The following ITGBL1 variants were observed in gnomAD, a reference collection of about 807,000 sequenced individuals.
The protein encoded by ITGBL1 is integrin beta-like protein 1.
A neutral mutation model predicts 68.5 loss-of-function variants in ITGBL1; 51 were observed. The ratio of observed to expected loss-of-function variants is 0.74; its 90% CI spans 0.59 to 0.94. The LOEUF is 0.94. Ranked by LOEUF, ITGBL1 falls within the 40% of genes least tolerant of loss-of-function variation. ITGBL1 has a pLI of 0.00. For missense variants in ITGBL1, 649 were observed against 647.4 expected, an observed-to-expected ratio of 1.00 and a Z score of -0.03; for synonymous variants, 209 against 227.3, an observed-to-expected ratio of 0.92 and a Z score of 0.72.
chr13:101,599,555 T>G (rs1314753276), intron 7 of ITGBL1, among the ~76,000 whole-genome samples: 8 of 150,834 alleles, frequency 5.3e-5, no homozygotes, highest in South Asian at 2.1e-4. Context: ...TCTTCTAGGG[T>G]TTTTATGGTT....
chr13:101,481,592 G>C (rs980547265), intron 2 of ITGBL1, among the ~76,000 whole-genome samples: 5 of 151,874 alleles, frequency 3.3e-5, no homozygotes, highest in African/African-American at 1.2e-4. Context: ...GTGTCTTTTT[G>C]GTTTGAATTT....
intron 7 of ITGBL1, among the ~76,000 whole-genome samples, chr13:101,676,791 A>G (rs1258776408): frequency 6.6e-6 from 1 of 152,212 alleles, no homozygotes; most frequent in Non-Finnish European, 1.5e-5. Context: ...GAATAATGTC[A>G]GTATAAGATA....
intron 2 of ITGBL1, among the ~76,000 whole-genome samples, chr13:101,471,353 T>C (rs892735104): frequency 6.6e-6 from 1 of 152,166 alleles, no homozygotes; most frequent in Non-Finnish European, 1.5e-5. Context: ...GCCATTCCCA[T>C]GTCACTATGA....
chr13:101,540,022 G>A (rs2049662650), intron 2 of ITGBL1, among the ~76,000 whole-genome samples: 1 of 152,048 alleles, frequency 6.6e-6, no homozygotes, highest in Non-Finnish European at 1.5e-5. Context: ...CTCTGATGGT[G>A]GCTTATTTTG....
At chr13:101,659,902 C>G (rs2033038306) in intron 7 of ITGBL1, among the ~76,000 whole-genome samples, 1 of 152,174 alleles carries the variant, frequency 6.6e-6, no homozygotes, top group Non-Finnish European at 1.5e-5. Context: ...CAGATGAGCT[C>G]AATCACTCAC....
intron 2 of ITGBL1, among the ~76,000 whole-genome samples, chr13:101,462,075 T>A (rs530058898): frequency 6.6e-6 from 1 of 152,058 alleles, no homozygotes; most frequent in Non-Finnish European, 1.5e-5. Context: ...TCAGTTGGGG[T>A]CCCTCTTGTC....
At chr13:101,603,183 A>G (rs1050274468) in intron 7 of ITGBL1, among the ~76,000 whole-genome samples, 12 of 151,958 alleles carry the variant, frequency 7.9e-5, no homozygotes, top group Non-Finnish European at 1.5e-4. Flanking sequence ...ACCATTTTAC[A>G]TTCCACCAGC....
chr13:101,474,624 G>A (rs4555003), intron 2 of ITGBL1, among the ~76,000 whole-genome samples: 21,656 of 152,202 alleles, frequency 0.14, 2,046 homozygotes, highest in East Asian at 0.43. Context: ...GTGAGACCTA[G>A]TACCATGCTG....
chr13:101,613,895 A>C (rs1206921928), intron 7 of ITGBL1, among the ~76,000 whole-genome samples: 1 of 152,158 alleles, frequency 6.6e-6, no homozygotes, highest in Non-Finnish European at 1.5e-5. Context: ...ACGGTCCTGC[A>C]GCAGGAGGAT....
chr13:101,507,907 T>C (rs2049051845), intron 2 of ITGBL1, among the ~76,000 whole-genome samples: 1 of 152,194 alleles, frequency 6.6e-6, no homozygotes, highest in Admixed American at 6.6e-5. Flanking sequence ...AGTATGGGAA[T>C]GTAGTTTTTA....
intron 7 of ITGBL1, among the ~76,000 whole-genome samples, chr13:101,605,377 T>G (rs1212611297): frequency 4.6e-5 from 7 of 151,214 alleles, no homozygotes; most frequent in Admixed American, 3.3e-4. Context: ...TGCGTATATA[T>G]ACACATATAT....
rs184911073 is a variant in ITGBL1, at chr13:101,608,558, T to C, written c.1015+10259T>C. 3.9e-5 allele frequency among the ~76,000 whole-genome samples: 6 copies of C among 152,196 alleles called. No individual in the cohort carries two copies. In the East Asian group the frequency reaches 5.8e-4, roughly 15 times the overall value. ...ATACCATATACAGTGATTATGATTA[T>C]ATTTTAAAATCCTTTGTGGCTTAAC... On this transcript the variant is annotated intron_variant, in intron 7 of 10. Transcript: ENST00000376180.
chr13:101,509,483 A>G (rs749572304), intron 2 of ITGBL1, among the ~76,000 whole-genome samples: 85 of 152,198 alleles, frequency 5.6e-4, no homozygotes, highest in Non-Finnish European at 1.1e-3. Flanking sequence ...ATTTACAAAC[A>G]TAAATTAATA....
At chr13:101,613,663 G>A (rs1158228094) in intron 7 of ITGBL1, among the ~76,000 whole-genome samples, 1 of 152,166 alleles carries the variant, frequency 6.6e-6, no homozygotes, top group Non-Finnish European at 1.5e-5. Flanking sequence ...TTTCTGGAAG[G>A]AGATGTAAGT....
At chr13:101,618,138 A>G (rs2031439000) in intron 7 of ITGBL1, among the ~76,000 whole-genome samples, 1 of 152,222 alleles carries the variant, frequency 6.6e-6, no homozygotes, top group East Asian at 1.9e-4. Context: ...CTTTGTTTCT[A>G]TGCTATTAAC....
intron 2 of ITGBL1, among the ~76,000 whole-genome samples, chr13:101,544,348 G>A (rs1166507744): frequency 6.6e-6 from 1 of 152,254 alleles, no homozygotes; most frequent in Admixed American, 6.5e-5. Context: ...GGTATCAGCA[G>A]CGGCAGCTGC....
At chr13:101,482,879 A>G (rs1049484754) in intron 2 of ITGBL1, among the ~76,000 whole-genome samples, 5 of 152,182 alleles carry the variant, frequency 3.3e-5, no homozygotes, top group Admixed American at 2.6e-4. Flanking sequence ...ACACGCATCA[A>G]CGGGGGACTT....
chr13:101,692,647 A>G lies in ITGBL1; in HGVS notation c.1078A>G (p.Thr360Ala), dbSNP rs773556260. 7 of 1,613,870 alleles carry G rather than the reference A, an allele frequency of 4.3e-6. No homozygotes were observed. In the Admixed American group the frequency reaches 1.0e-4, roughly 23 times the overall value. Reference sequence around the variant, plus strand: ...AGGAGATCGCCGGGTGTATGGCAAGACTTGTGAGTGTGATGATCGCCGCTG... The same window carrying G: ...AGGAGATCGCCGGGTGTATGGCAAGGCTTGTGAGTGTGATGATCGCCGCTG... ...PPGDRRVYGK[T>A]CECDDRRCED... The change falls in exon 8 of 11, where the codon ACT becomes GCT. Residue 360 changes from threonine to alanine, a missense_variant. Transcript: ENST00000376180.
chr13:101,708,625 C>T (rs1247765188), intron 9 of ITGBL1, among the ~76,000 whole-genome samples: 1 of 152,166 alleles, frequency 6.6e-6, no homozygotes, highest in Admixed American at 6.5e-5. Flanking sequence ...AAGACCAATG[C>T]TATCAAGTTG....
Sources: gnomAD v4.1 joint callset for allele counts (sites outside exome capture counted in the v4.1 genomes callset) on GRCh38, gnomAD v4.1.1 for gene constraint, MANE v1.5 for transcripts, NCBI Gene and HGNC (gene_info 2026-07-23, HGNC 2026-07-21) for gene names.